FAM53A: variants seen among roughly 807,000 people sequenced by gnomAD.
FAM53A encodes the protein family with sequence similarity 53 member A.
A neutral mutation model predicts 26.6 loss-of-function variants in FAM53A; 28 were observed. That is an observed-to-expected ratio of 1.05 (90% CI 0.78 to 1.45). The LOEUF (loss-of-function observed/expected upper bound fraction) is 1.45. Among genes scored for constraint, FAM53A ranks in the 40% most tolerant of loss-of-function variants. FAM53A has a pLI of 0.00. For synonymous variants in FAM53A, 290 were observed against 253.1 expected (o/e 1.15, Z -1.38); for missense variants, 650 against 575.8 (o/e 1.13, Z -1.32).
At chr4:1,588,426 G>A in the FAM53A span, among the ~76,000 whole-genome samples, 1 of 152,326 alleles carries the variant, frequency 6.6e-6, no homozygotes, top group South Asian at 2.1e-4. Context: ...AGAAATGATG[G>A]TGCGTGACTG....
intron 1 of FAM53A, among the ~76,000 whole-genome samples, chr4:1,625,101 G>T (rs1715227695): frequency 9.8e-6 from 1 of 102,556 alleles, no homozygotes; most frequent in Non-Finnish European, 1.8e-5. Context: ...GTGATCAGAA[G>T]CCCCCACGTC....
chr4:1,662,125 T>G (rs944813183), intron 2 of FAM53A, among the ~76,000 whole-genome samples: 5 of 151,814 alleles, frequency 3.3e-5, no homozygotes, highest in Admixed American at 1.3e-4. Flanking sequence ...GCACAAGAGG[T>G]GGAAACCAGC....
intron 1 of FAM53A, among the ~76,000 whole-genome samples, chr4:1,618,880 C>A (rs1488047350): frequency 6.6e-6 from 1 of 152,196 alleles, no homozygotes; most frequent in African/African-American, 2.4e-5. Flanking sequence ...GAGGCCTCCA[C>A]GGCCCCCCGA....
At chr4:1,581,723 T>C in the FAM53A span, among the ~76,000 whole-genome samples, 5 of 152,184 alleles carry the variant, frequency 3.3e-5, no homozygotes, top group African/African-American at 4.8e-5. Flanking sequence ...GGCTCCCAAG[T>C]AACTGGGATT....
chr4:1,676,486 C>A (rs992607662), intron 1 of FAM53A, among the ~76,000 whole-genome samples: 1 of 152,096 alleles, frequency 6.6e-6, no homozygotes, highest in Non-Finnish European at 1.5e-5. Context: ...TGGGGCCGGA[C>A]CTCACTCAAC....
chr4:1,672,949 T>C (rs1272768298), intron 1 of FAM53A, among the ~76,000 whole-genome samples: 1 of 152,018 alleles, frequency 6.6e-6, no homozygotes, highest in East Asian at 1.9e-4. Flanking sequence ...TTTGTATTTG[T>C]AGTAAAGACA....
At chr4:1,624,906 C>T (rs1394293841) in intron 1 of FAM53A, among the ~76,000 whole-genome samples, 2 of 150,294 alleles carry the variant, frequency 1.3e-5, no homozygotes, top group African/African-American at 5.0e-5. Flanking sequence ...GATCAGAAGC[C>T]CCCACGTCCC....
At chr4:1,674,397 C>A (rs756809602) in intron 1 of FAM53A, among the ~76,000 whole-genome samples, 11 of 152,164 alleles carry the variant, frequency 7.2e-5, no homozygotes, top group Admixed American at 1.3e-4. Context: ...TGGCCGGGCG[C>A]GGTGGCTCAC....
intron 2 of FAM53A, among the ~76,000 whole-genome samples, chr4:1,662,142 AAC>A (rs1235593139): frequency 6.6e-6 from 1 of 151,984 alleles, no homozygotes; most frequent in Non-Finnish European, 1.5e-5. Flanking sequence ...CAGCCTGGGA[AAC>A]ACAGTGAGAC....
intron 1 of FAM53A, among the ~76,000 whole-genome samples, chr4:1,623,063 C>T (rs765328489): frequency 5.3e-5 from 8 of 152,240 alleles, no homozygotes; most frequent in East Asian, 3.9e-4. Context: ...CTGACAGTGG[C>T]ACCTGAGGCT....
chr4:1,647,048 GTA>G (rs1712307872), intron 4 of FAM53A, among the ~76,000 whole-genome samples: 1 of 152,120 alleles, frequency 6.6e-6, no homozygotes, highest in South Asian at 2.1e-4. Flanking sequence ...AGCTTCGCCA[GTA>G]AAAGCCGGGC....
At chr4:1,606,788 C>A in the FAM53A span, among the ~76,000 whole-genome samples, 1 of 152,342 alleles carries the variant, frequency 6.6e-6, no homozygotes, top group African/African-American at 2.4e-5. Flanking sequence ...CCCTAGCTGT[C>A]GGGGAAAGCG....
downstream of FAM53A, among the ~76,000 whole-genome samples, chr4:1,636,646 C>G (rs919487264): frequency 3.3e-4 from 51 of 152,372 alleles, no homozygotes; most frequent in African/African-American, 1.2e-3. Context: ...ATCCCATGCC[C>G]TCACCTCCTG....
chr4:1,668,448 T>C (rs1307318921), intron 2 of FAM53A, among the ~76,000 whole-genome samples: 1 of 152,198 alleles, frequency 6.6e-6, no homozygotes, highest in Non-Finnish European at 1.5e-5. Flanking sequence ...CTGGCATTTT[T>C]AATAAGTCTA....
intron 1 of FAM53A, among the ~76,000 whole-genome samples, chr4:1,626,641 C>T (rs939305879): frequency 2.0e-5 from 3 of 152,018 alleles, no homozygotes; most frequent in African/African-American, 4.8e-5. Context: ...AGTGTAAACT[C>T]TCAGCCACGG....
intron 1 of FAM53A, among the ~76,000 whole-genome samples, chr4:1,618,909 C>T (rs924385304): frequency 1.3e-5 from 2 of 152,172 alleles, no homozygotes; most frequent in South Asian, 2.1e-4. Context: ...GGCTTATCTG[C>T]GGCAGCCACA....
chr4:1,615,327 G>GCA (rs776093146), downstream of FAM53A, among the ~76,000 whole-genome samples: 3 of 21,570 alleles, frequency 1.4e-4, no homozygotes, highest in South Asian at 1.3e-3. Flanking sequence ...CCACCTGGGC[G>GCA]CACACTGAAG....
At chr4:1,650,242 G>A (rs1408294993) in intron 4 of FAM53A, among the ~76,000 whole-genome samples, 5 of 139,766 alleles carry the variant, frequency 3.6e-5, no homozygotes, top group Non-Finnish European at 7.7e-5. Flanking sequence ...CAGGCGTGGC[G>A]TTTGACTGTG....
intron 2 of FAM53A, among the ~76,000 whole-genome samples, chr4:1,661,208 C>T (rs1223056362): frequency 6.6e-6 from 1 of 152,096 alleles, no homozygotes; most frequent in Non-Finnish European, 1.5e-5. Context: ...GATGCCTGTG[C>T]CCCCAGGCTC....
Sources: gnomAD v4.1 joint callset for allele counts (sites outside exome capture counted in the v4.1 genomes callset) on GRCh38, gnomAD v4.1.1 for gene constraint, MANE v1.5 for transcripts, NCBI Gene and HGNC (gene_info 2026-07-23, HGNC 2026-07-21) for gene names.